DCC: variants seen among roughly 807,000 people sequenced by gnomAD.
DCC encodes the protein netrin receptor DCC.
A neutral mutation model predicts 172.5 loss-of-function variants in DCC; 58 were observed. The ratio of observed to expected loss-of-function variants is 0.34; its 90% CI spans 0.27 to 0.42. DCC has a LOEUF of 0.42. Among genes scored for constraint, DCC ranks in the 10% least tolerant of loss-of-function variants. The pLI is 1.00. For missense variants in DCC, 1,740 were observed against 1,791.0 expected (o/e 0.97, Z 0.51); for synonymous variants, 709 against 644.5 (o/e 1.10, Z -1.52).
chr18:52,785,381 A>C (rs1598800360), intron 2 of DCC, among the ~76,000 whole-genome samples: 1 of 152,018 alleles, frequency 6.6e-6, no homozygotes, highest in African/African-American at 2.4e-5. Flanking sequence ...TAAAGAGAAA[A>C]GCATTACCAA....
intron 5 of DCC, among the ~76,000 whole-genome samples, chr18:52,937,976 C>T (rs1246930664): frequency 6.6e-6 from 1 of 152,026 alleles, no homozygotes; most frequent in Non-Finnish European, 1.5e-5. Context: ...AGATTAGACC[C>T]GGTGAAATAG....
intron 3 of DCC, among the ~76,000 whole-genome samples, chr18:52,917,133 A>G (rs1175563424): frequency 1.5e-5 from 2 of 137,566 alleles, no homozygotes; most frequent in African/African-American, 5.9e-5. Flanking sequence ...AAAAAAAAAG[A>G]AAACAAAAAA....
At chr18:52,973,972 T>G (rs1598987664) in intron 5 of DCC, among the ~76,000 whole-genome samples, 1 of 152,042 alleles carries the variant, frequency 6.6e-6, no homozygotes, top group Non-Finnish European at 1.5e-5. Context: ...GTGGCGGAGG[T>G]GTGTGTGTTT....
In DCC at chr18:53,360,745, C is replaced by T. The variant is rs74317805; in HGVS notation, c.2359+20838C>T. On this transcript the variant is annotated intron_variant, in intron 15 of 28. Coordinates refer to ENST00000442544, the MANE Select transcript of DCC (RefSeq NM_005215.4). Reference sequence around the variant, plus strand: ...ATTAGGACAGGTTAAATCTTTGTGCCGATAGCATAGAATATTACTGAAAAG... The same window carrying T: ...ATTAGGACAGGTTAAATCTTTGTGCTGATAGCATAGAATATTACTGAAAAG... 5.6e-3 allele frequency among the ~76,000 whole-genome samples: 852 copies of T among 152,102 alleles called. 5 individuals carry two copies. Among genetic ancestry groups the T allele is most frequent in the Admixed American group, 0.024 (372 of 15,242 alleles).
At chr18:53,362,382 T>A (rs183258796) in intron 15 of DCC, among the ~76,000 whole-genome samples, 1 of 152,308 alleles carries the variant, frequency 6.6e-6, no homozygotes. Flanking sequence ...TTTTCACTTA[T>A]CTGAATGGGA....
intron 1 of DCC, among the ~76,000 whole-genome samples, chr18:52,594,143 G>GA (rs1456007946): frequency 6.6e-6 from 1 of 152,152 alleles, no homozygotes; most frequent in East Asian, 1.9e-4. Flanking sequence ...ATAGCTCTAG[G>GA]AAAAAATCTA....
chr18:52,743,181 C>T (rs1568076455), intron 1 of DCC, among the ~76,000 whole-genome samples: 1 of 152,130 alleles, frequency 6.6e-6, no homozygotes, highest in Non-Finnish European at 1.5e-5. Flanking sequence ...CTGGGTACTC[C>T]TTAAATCACA....
At chr18:52,658,895 C>CAGA (rs371654748) in intron 1 of DCC, among the ~76,000 whole-genome samples, 55 of 152,060 alleles carry the variant, frequency 3.6e-4, no homozygotes, top group Admixed American at 6.6e-4. Context: ...ATGTTTTTAC[C>CAGA]TTTGATCCCA....
At chr18:52,659,093 T>C (rs2035310683) in intron 1 of DCC, among the ~76,000 whole-genome samples, 1 of 152,132 alleles carries the variant, frequency 6.6e-6, no homozygotes, top group African/African-American at 2.4e-5. Flanking sequence ...TCATTTTACC[T>C]TTTGCCCAGA....
chr18:52,396,550 G>A (rs764982727), intron 1 of DCC, among the ~76,000 whole-genome samples: 5 of 151,982 alleles, frequency 3.3e-5, no homozygotes, highest in African/African-American at 4.8e-5. Flanking sequence ...GAGGTGGCCT[G>A]AGCATCTCCA....
chr18:52,387,580 T>C (rs1225278875), intron 1 of DCC, among the ~76,000 whole-genome samples: 1 of 114,564 alleles, frequency 8.7e-6, no homozygotes, highest in Non-Finnish European at 1.9e-5. Flanking sequence ...TGTTTCTTCC[T>C]TCCTTCCTTC....
intron 1 of DCC, among the ~76,000 whole-genome samples, chr18:52,633,815 T>C (rs2034721670): frequency 6.6e-6 from 1 of 152,038 alleles, no homozygotes; most frequent in Non-Finnish European, 1.5e-5. Flanking sequence ...CATAAAACAA[T>C]AAGTCAATGA....
chr18:53,498,449 A>T lies in DCC; in HGVS notation c.3899-849A>T, dbSNP rs961031705. Among the ~76,000 whole-genome samples the T allele has an allele frequency of 2.6e-5, 4 of 152,100 alleles. No homozygotes were observed. In the East Asian group the frequency reaches 7.7e-4, roughly 29 times the overall value. On this transcript the variant is annotated intron_variant, in intron 26 of 28. Coordinates refer to ENST00000442544, the MANE Select transcript of DCC (RefSeq NM_005215.4). ...TGCAGCTCGTTTTGCTTGCAGTTTA[A>T]CCTGGACCTGTTAACTTTGAATATG... is the stretch of plus-strand genomic sequence containing the variant.
chr18:52,961,300 A>G (rs4940228), intron 5 of DCC, among the ~76,000 whole-genome samples: 33,341 of 150,738 alleles, frequency 0.22, 3,945 homozygotes, highest in South Asian at 0.41. Flanking sequence ...ATAAAAATAT[A>G]AAATAAAAAT....
intron 1 of DCC, among the ~76,000 whole-genome samples, chr18:52,385,724 G>T (rs1985771822): frequency 6.6e-6 from 1 of 152,052 alleles, no homozygotes. Flanking sequence ...CGAATCTAAA[G>T]TTTAACCTAG....
At chr18:52,789,315 G>GCTAC (rs777039657) in intron 2 of DCC, among the ~76,000 whole-genome samples, 31 of 152,150 alleles carry the variant, frequency 2.0e-4, no homozygotes, top group Non-Finnish European at 4.1e-4. Context: ...GGAGTTCCAG[G>GCTAC]CTACCAGAAG....
At chr18:52,934,964 G>A (rs1181761997) in intron 5 of DCC, 4 of 152,150 alleles carry the variant, frequency 2.6e-5, no homozygotes, top group Non-Finnish European at 5.9e-5. Context: ...CACCCAGTCT[G>A]TTGTATTTTG....
intron 22 of DCC, among the ~76,000 whole-genome samples, chr18:53,449,648 C>T (rs1319184167): frequency 1.3e-5 from 2 of 152,178 alleles, no homozygotes; most frequent in African/African-American, 4.8e-5. Context: ...TAGCCTCTCT[C>T]GTTCTTGTCA....
At chr18:53,274,834 GT>G (rs1390066314) in intron 12 of DCC, among the ~76,000 whole-genome samples, 1 of 152,078 alleles carries the variant, frequency 6.6e-6, no homozygotes, top group African/African-American at 2.4e-5. Context: ...TAGAAATACA[GT>G]CTCAATCTTC....
Sources: gnomAD v4.1 joint callset for allele counts (sites outside exome capture counted in the v4.1 genomes callset) on GRCh38, gnomAD v4.1.1 for gene constraint, MANE v1.5 for transcripts, NCBI Gene and HGNC (gene_info 2026-07-23, HGNC 2026-07-21) for gene names.